Variants in IL9 observed in about 807,000 individuals in gnomAD.
The protein encoded by IL9 is interleukin-9.
IL9 carries 16 observed loss-of-function variants against 12.9 expected under a neutral mutation model. The observed-to-expected ratio is 1.24, with a 90% CI of 0.84 to 1.88. The LOEUF (loss-of-function observed/expected upper bound fraction) is 1.88. Among genes scored for constraint, IL9 ranks in the 40% most tolerant of loss-of-function variants. IL9 has a pLI of 0.00. For synonymous variants in IL9, 69 were observed against 63.8 expected (o/e 1.08, Z -0.39); for missense variants, 170 against 173.1 (o/e 0.98, Z 0.10).
At position 135,895,435 on chromosome 5, in the gene IL9, C is replaced by T. The variant is rs1762927272; in HGVS notation, c.183+5G>A. On this transcript the variant is annotated splice_donor_5th_base_variant and intron_variant, in intron 3 of 4. Transcript: ENST00000274520. ...GTCAACATTATGTTATTTCACTATACTTACAGAGGGAATGCCCAAACAGAG... is the reference window on the plus strand; with the variant it reads ...GTCAACATTATGTTATTTCACTATATTTACAGAGGGAATGCCCAAACAGAG... The T allele has an allele frequency of 3.1e-6, 5 of 1,612,406 alleles. No homozygotes were observed. Among genetic ancestry groups the T allele is most frequent in the African/African-American group, 1.3e-5 (1 of 74,944 alleles).
In IL9 at chr5:135,894,064, G is replaced by A. The variant is rs142060431; in HGVS notation, c.271C>T (p.Arg91Trp). 9.5e-5 allele frequency: 154 copies of A among 1,612,716 alleles called. 1 individual carries two copies. Among genetic ancestry groups the A allele is most frequent in the South Asian group, 3.5e-4 (32 of 90,708 alleles). Residue 91 changes from arginine to tryptophan, a missense_variant, in exon 4 of 5, where the codon CGG (arginine) becomes TGG (tryptophan). By Grantham distance (101) the Arg-to-Trp change is moderately radical. Coordinates refer to ENST00000274520, the MANE Select transcript of IL9 (RefSeq NM_000590.2). ...AGTACTTCAACTGATTTTTTCACCCGACTGAAAATCAGTGGGTATCTTGTT... is the reference window on the plus strand; with the variant it reads ...AGTACTTCAACTGATTTTTTCACCCAACTGAAAATCAGTGGGTATCTTGTT... ...MQTRYPLIFS[R>W]VKKSVEVLKN...
chr5:135,894,425 G>A (rs1762915844), intron 3 of IL9, among the ~76,000 whole-genome samples: 1 of 152,298 alleles, frequency 6.6e-6, no homozygotes, highest in Admixed American at 6.5e-5. Flanking sequence ...GGCTCTGAAT[G>A]TTCTTTTCAA....
At position 135,892,251 on chromosome 5, in the gene IL9, T is replaced by C. The variant is rs767312760; in HGVS notation, c.*140A>G. On this transcript the variant is annotated 3_prime_UTR_variant, in exon 5 of 5. Transcript: ENST00000274520. ...GTTGTTTTTTCCACATATGTATTTA[T>C]TTCAAAATAAAGACATACAATGTTA... 1.1e-4 allele frequency: 68 copies of C among 623,412 alleles called. No individual in the cohort carries two copies. The highest frequency in any genetic ancestry group is 1.7e-4 in the Non-Finnish European group (66 of 383,970). The allele number at this position is 623,412 out of a possible 1,614,324, so 38.6% of individuals were successfully genotyped here.
intron 3 of IL9, among the ~76,000 whole-genome samples, chr5:135,894,372 G>T (rs1424393447): frequency 6.6e-6 from 1 of 152,160 alleles, no homozygotes; most frequent in East Asian, 1.9e-4. Flanking sequence ...CTTCCTGTAT[G>T]TTACATCCAG....
chr5:135,892,458 G>T lies in IL9; in HGVS notation c.368C>A (p.Thr123Lys), dbSNP rs781015452. 5.6e-6 allele frequency: 9 copies of T among 1,613,158 alleles called. No homozygotes were observed. Among genetic ancestry groups the T allele is most frequent in the Admixed American group, 5.0e-5 (3 of 59,896 alleles). ...AATTTCCAGAAGACTCTTCAGAAAT[G>T]TCAGCGCGTTGCCTGCCGTGGTTTG... ...CNQTTAGNAL[T>K]FLKSLLEIFQ... The change falls in exon 5 of 5, where the codon ACA becomes AAA. Residue 123 changes from threonine to lysine, a missense_variant. Physicochemically the swap from Thr to Lys is moderately conservative, Grantham distance 78. Coordinates refer to ENST00000274520, the MANE Select transcript of IL9 (RefSeq NM_000590.2).
intron 2 of IL9, 26 bp from the exon 3 acceptor site, chr5:135,895,498 A>T (rs1561571472): frequency 3.7e-6 from 6 of 1,613,822 alleles, no homozygotes; most frequent in African/African-American, 1.3e-5. Flanking sequence ...CAGAGTGAAG[A>T]TTCCAGATGT....
intron 3 of IL9, 73 bp from the exon 4 acceptor site, chr5:135,894,224 A>G (rs1029526766): frequency 4.3e-6 from 6 of 1,380,986 alleles, no homozygotes; most frequent in Non-Finnish European, 6.0e-6. Flanking sequence ...AAAGAGCAAT[A>G]TAATAGAGAT....
intron 3 of IL9, among the ~76,000 whole-genome samples, chr5:135,895,078 CA>C (rs1371405721): frequency 6.6e-6 from 1 of 152,148 alleles, no homozygotes; most frequent in Admixed American, 6.5e-5. Flanking sequence ...AGTTAGAAAG[CA>C]ATATGATATG....
chr5:135,892,258 A>T lies in IL9; in HGVS notation c.*133T>A. The stretch of plus-strand genomic sequence containing the variant: ...TTTCCACATATGTATTTATTTCAAA[A>T]TAAAGACATACAATGTTAAACAAAT... On this transcript the variant is annotated 3_prime_UTR_variant, in exon 5 of 5. Coordinates refer to ENST00000274520, the MANE Select transcript of IL9 (RefSeq NM_000590.2). 1 of 652,816 alleles carries T rather than the reference A, an allele frequency of 1.5e-6. No individual in the cohort carries two copies. Among genetic ancestry groups the T allele is most frequent in the Non-Finnish European group, 2.5e-6 (1 of 407,258 alleles). The allele number at this position is 652,816 out of a possible 1,614,324, so 40.4% of individuals were successfully genotyped here.
At chr5:135,895,510 A>C (rs779186550) in intron 2 of IL9, 38 bp from the exon 3 acceptor site, 2 of 1,613,626 alleles carry the variant, frequency 1.2e-6, no homozygotes, top group Middle Eastern at 3.3e-4. Context: ...TCCAGATGTG[A>C]AAATTAAAAT....
Position 135,892,445 on chromosome 5 carries a change from ACT to A in IL9, c.379_380del (p.Leu128SerfsTer65). On this transcript the variant is annotated frameshift_variant, in exon 5 of 5. Transcript: ENST00000274520. LOFTEE classifies it low-confidence loss of function (END_TRUNC). ...TAGNALTFLK[S>X]LLEIFQKEKM... ...TTTCTTTCTGGAAAATTTCCAGAAG[ACT>A]CTTCAGAAATGTCAGCGCGTTGCCT... 1.2e-6 allele frequency: 2 copies of A among 1,612,384 alleles called. No individual in the cohort carries two copies. Among genetic ancestry groups the A allele is most frequent in the Non-Finnish European group, 1.7e-6 (2 of 1,179,168 alleles).
At position 135,892,271 on chromosome 5, in the gene IL9, A is replaced by G. The variant is rs1367433453; in HGVS notation, c.*120T>C. The G allele has an allele frequency of 5.5e-6, 4 of 724,734 alleles. No homozygotes were observed. The highest frequency in any genetic ancestry group is 8.7e-6 in the Non-Finnish European group (4 of 462,284). 44.9% of individuals were successfully genotyped at this position (724,734 alleles called of 1,614,324 possible). On this transcript the variant is annotated 3_prime_UTR_variant, in exon 5 of 5. Transcript: ENST00000274520. The stretch of plus-strand genomic sequence containing the variant: ...ATTTATTTCAAAATAAAGACATACA[A>G]TGTTAAACAAATAATCACAACTGAT...
intron 4 of IL9, among the ~76,000 whole-genome samples, chr5:135,893,213 G>T (rs889351934): frequency 6.6e-6 from 1 of 152,222 alleles, no homozygotes. Context: ...ATCCCAGTCT[G>T]CTGTCAGGGA....
intron 4 of IL9, 122 bp downstream of exon 4, chr5:135,893,898 C>T (rs1425425103): frequency 4.1e-6 from 3 of 728,126 alleles, no homozygotes; most frequent in Non-Finnish European, 6.6e-6. Context: ...TCTTAGATGT[C>T]TTTTATCAAC....
rs1220980016 is a variant in IL9 at position 135,895,803 on chromosome 5, A to G, written c.14T>C (p.Met5Thr). The G allele has an allele frequency of 1.2e-6, 2 of 1,613,260 alleles. No individual in the cohort carries two copies. Among genetic ancestry groups the G allele is most frequent in the African/African-American group, 1.3e-5 (1 of 75,030 alleles). The change falls in exon 1 of 5, where the codon ATG (methionine) becomes ACG (threonine). Residue 5 changes from methionine to threonine, a missense_variant. Coordinates refer to ENST00000274520, the MANE Select transcript of IL9 (RefSeq NM_000590.2). ...CAGGAGCAGGGCAGAGGTAAGGACC[A>G]TGGCCAGAAGCATCTTGACAGCGGA... MLLAMVLTSALLLCS... is the reference protein window; with the variant it reads MLLATVLTSALLLCS...
intron 4 of IL9, 93 bp from the exon 5 acceptor site, chr5:135,892,603 G>T: frequency 7.1e-7 from 1 of 1,413,636 alleles, no homozygotes; most frequent in Non-Finnish European, 9.6e-7. Context: ...CAGAGTCGGT[G>T]GTGAGGATTG....
chr5:135,892,777 C>CAT (rs1365599215), intron 4 of IL9, among the ~76,000 whole-genome samples: 6 of 140,188 alleles, frequency 4.3e-5, no homozygotes, highest in African/African-American at 1.9e-4. Context: ...CACACACACA[C>CAT]ACCCCTATTA....
chr5:135,894,575 G>A (rs1762917413), intron 3 of IL9, among the ~76,000 whole-genome samples: 1 of 152,190 alleles, frequency 6.6e-6, no homozygotes. Context: ...GTACTCCAAG[G>A]GACAGGGGCT....
chr5:135,893,079 T>A (rs566226310), intron 4 of IL9, among the ~76,000 whole-genome samples: 1 of 152,346 alleles, frequency 6.6e-6, no homozygotes, highest in African/African-American at 2.4e-5. Flanking sequence ...TAGAACTAGA[T>A]GCCATTGATG....
Sources: allele counts gnomAD v4.1 joint callset (sites outside exome capture counted in the v4.1 genomes callset), GRCh38; gene constraint gnomAD v4.1.1; transcripts MANE v1.5; gene names NCBI Gene and HGNC (gene_info 2026-07-23, HGNC 2026-07-21).